The following NKAIN2 variants were observed in gnomAD, a reference collection of about 807,000 sequenced individuals.
NKAIN2 encodes the protein sodium/potassium transporting ATPase interacting 2.
In NKAIN2, 14 loss-of-function variants were observed where a neutral mutation model predicts 32.6. The observed-to-expected ratio is 0.43, with a 90% CI of 0.28 to 0.67. The LOEUF is 0.67. Ranked by LOEUF, NKAIN2 falls within the 30% of genes least tolerant of loss-of-function variation. NKAIN2 has a pLI of 0.17. For synonymous variants in NKAIN2, 80 were observed against 87.2 expected (o/e 0.92, Z 0.46); for missense variants, 198 against 258.3 (o/e 0.77, Z 1.60).
chr6:124,312,959 G>A (rs1214449528), intron 2 of NKAIN2, among the ~76,000 whole-genome samples: 3 of 152,096 alleles, frequency 2.0e-5, no homozygotes, highest in Non-Finnish European at 4.4e-5. Flanking sequence ...AGGAGGATGG[G>A]AGAAGATCAG....
intron 1 of NKAIN2, among the ~76,000 whole-genome samples, chr6:124,007,929 C>A (rs1780148438): frequency 6.6e-6 from 1 of 151,978 alleles, no homozygotes; most frequent in Non-Finnish European, 1.5e-5. Context: ...GGGTTACAGG[C>A]AAAAAGGCAA....
intron 1 of NKAIN2, among the ~76,000 whole-genome samples, chr6:124,278,209 A>G (rs1488162917): frequency 2.6e-5 from 4 of 152,144 alleles, no homozygotes. Flanking sequence ...CCTAACCAGT[A>G]CAAAGGCTTC....
intron 1 of NKAIN2, among the ~76,000 whole-genome samples, chr6:124,123,230 C>T (rs1382322246): frequency 2.0e-5 from 3 of 151,850 alleles, no homozygotes; most frequent in Non-Finnish European, 4.4e-5. Context: ...AATAGGTGCT[C>T]AGTGAATGCT....
At chr6:124,009,323 T>C in intron 1 of NKAIN2, among the ~76,000 whole-genome samples, 1 of 152,194 alleles carries the variant, frequency 6.6e-6, no homozygotes, top group East Asian at 1.9e-4. Context: ...ATATTTTCAA[T>C]TGATATTGAG....
intron 4 of NKAIN2, among the ~76,000 whole-genome samples, chr6:124,667,604 T>G (rs964080411): frequency 6.6e-6 from 1 of 152,114 alleles, no homozygotes; most frequent in Non-Finnish European, 1.5e-5. Context: ...CATGATCAGT[T>G]ATTATGATAC....
intron 1 of NKAIN2, among the ~76,000 whole-genome samples, chr6:124,206,297 T>A (rs1426564998): frequency 6.6e-6 from 1 of 151,918 alleles, no homozygotes; most frequent in African/African-American, 2.4e-5. Context: ...TTTATCTCAC[T>A]GTTGTGAAGA....
intron 3 of NKAIN2, among the ~76,000 whole-genome samples, chr6:124,507,532 A>G (rs761989266): frequency 6.6e-6 from 1 of 152,146 alleles, no homozygotes; most frequent in Non-Finnish European, 1.5e-5. Context: ...CTTTAATTGC[A>G]TCTAAACATT....
chr6:124,776,576 C>T (rs1778992780), intron 4 of NKAIN2, among the ~76,000 whole-genome samples: 1 of 152,128 alleles, frequency 6.6e-6, no homozygotes, highest in African/African-American at 2.4e-5. Context: ...GTAGGATGCC[C>T]TTGCCTTACA....
intron 4 of NKAIN2, among the ~76,000 whole-genome samples, chr6:124,706,767 T>C (rs1415302642): frequency 2.0e-5 from 3 of 152,158 alleles, no homozygotes; most frequent in Non-Finnish European, 2.9e-5. Context: ...GTAATGACTG[T>C]CCAACTGAAA....
rs193080308 is a variant in NKAIN2 at position 124,088,525 on chromosome 6, T to C, written c.55-194480T>C. ...CTTGTTAACCACTTGCCAGCTTACT[T>C]ACTGAAAAGTTTTTCATTGTTCCTA... On this transcript the variant is annotated intron_variant, in intron 1 of 6. Coordinates refer to ENST00000368417, the MANE Select transcript of NKAIN2 (RefSeq NM_001040214.3). 4.4e-3 allele frequency among the ~76,000 whole-genome samples: 672 copies of C among 152,200 alleles called. 5 individuals are homozygous for C. The highest frequency in any genetic ancestry group is 0.015 in the African/African-American group (641 of 41,544).
intron 1 of NKAIN2, among the ~76,000 whole-genome samples, chr6:124,271,704 T>C (rs971776964): frequency 1.3e-5 from 2 of 152,178 alleles, no homozygotes; most frequent in African/African-American, 4.8e-5. Flanking sequence ...CAGGAAGATG[T>C]GGAGAAATTT....
chr6:124,614,901 A>G (rs976463684), intron 3 of NKAIN2, among the ~76,000 whole-genome samples: 1 of 152,226 alleles, frequency 6.6e-6, no homozygotes, highest in African/African-American at 2.4e-5. Context: ...CTTAGTTTAG[A>G]AAATGTGAAG....
chr6:124,436,030 C>A (rs1382756739), intron 3 of NKAIN2, among the ~76,000 whole-genome samples: 1 of 152,036 alleles, frequency 6.6e-6, no homozygotes, highest in Non-Finnish European at 1.5e-5. Context: ...TAAGCTAACC[C>A]CAATATAGAG....
chr6:124,006,411 G>A (rs574515645), intron 1 of NKAIN2, among the ~76,000 whole-genome samples: 120 of 152,242 alleles, frequency 7.9e-4, no homozygotes, highest in Non-Finnish European at 1.5e-3. Context: ...TCAGGGGTTA[G>A]GATAAGGGCG....
intron 4 of NKAIN2, among the ~76,000 whole-genome samples, chr6:124,784,367 G>T (rs1779409379): frequency 6.6e-6 from 1 of 152,048 alleles, no homozygotes; most frequent in African/African-American, 2.4e-5. Flanking sequence ...CCTTTTTACG[G>T]CCACATTCAC....
At chr6:124,583,193 TA>T (rs542934763) in intron 3 of NKAIN2, among the ~76,000 whole-genome samples, 34 of 147,404 alleles carry the variant, frequency 2.3e-4, no homozygotes, top group African/African-American at 8.5e-4. Context: ...TTGCATATGG[TA>T]TGATCTTATA....
intron 1 of NKAIN2, among the ~76,000 whole-genome samples, chr6:124,220,083 A>G (rs1464703903): frequency 1.3e-5 from 2 of 152,128 alleles, no homozygotes; most frequent in African/African-American, 4.8e-5. Context: ...TGTAATTCCC[A>G]GGTGTTGAGG....
rs765934607 is a variant in NKAIN2, at chr6:124,481,188, T to TTC, written c.273+125841_273+125842insTC. On this transcript the variant is annotated intron_variant, in intron 3 of 6. Coordinates refer to ENST00000368417, the MANE Select transcript of NKAIN2 (RefSeq NM_001040214.3). ...AGAGTTACTTTTTTTTTTTTTTTTT[T>TTC]CACAGTGGAACACCCAATGAAAAGA... 1.2e-4 allele frequency among the ~76,000 whole-genome samples: 18 copies of TTC among 144,896 alleles called. 1 individual carries two copies. Among genetic ancestry groups the TTC allele is most frequent in the South Asian group, 2.2e-4 (1 of 4,528 alleles).
At chr6:124,535,253 A>C (rs753536848) in intron 3 of NKAIN2, among the ~76,000 whole-genome samples, 5 of 152,196 alleles carry the variant, frequency 3.3e-5, no homozygotes, top group Non-Finnish European at 7.3e-5. Context: ...TATTCAATCT[A>C]TTTTTTTATC....
Sources: gnomAD v4.1 joint callset for allele counts (sites outside exome capture counted in the v4.1 genomes callset) on GRCh38, gnomAD v4.1.1 for gene constraint, MANE v1.5 for transcripts, NCBI Gene and HGNC (gene_info 2026-07-23, HGNC 2026-07-21) for gene names.